Variants in SEMA5A observed in about 807,000 individuals in gnomAD.
SEMA5A encodes semaphorin 5A.
SEMA5A carries 55 observed loss-of-function variants against 135.5 expected under a neutral mutation model. The observed-to-expected ratio is 0.41, with a 90% CI of 0.33 to 0.51. The LOEUF (loss-of-function observed/expected upper bound fraction) is 0.51. Among genes scored for constraint, SEMA5A ranks in the 20% least tolerant of loss-of-function variants. The pLI is 0.37. For synonymous variants in SEMA5A, 580 were observed against 546.5 expected, an observed-to-expected ratio of 1.06 and a Z score of -0.85; for missense variants, 1,290 against 1,419.9, an observed-to-expected ratio of 0.91 and a Z score of 1.47.
chr5:9,437,976 T>C (rs1758092918), intron 1 of SEMA5A, 124 bp from the exon 2 acceptor site: 1 of 152,222 alleles, frequency 6.6e-6, no homozygotes, highest in Non-Finnish European at 1.5e-5. Context: ...TTTGGCCACG[T>C]AGGATTAAAG....
intron 3 of SEMA5A, among the ~76,000 whole-genome samples, chr5:9,340,050 G>C (rs1753574463): frequency 6.7e-6 from 1 of 148,486 alleles, no homozygotes; most frequent in South Asian, 2.1e-4. Context: ...ATCAGAGTTT[G>C]AGGTGGCTTT....
chr5:9,118,980 A>C lies in SEMA5A; in HGVS notation c.1925+18T>G. ...TAAGCGTGAGGCTGGCGGTGCTGGC[A>C]GCAGGGTGGGCACGTACCTTTCCTC... On this transcript the variant is annotated intron_variant, in intron 15 of 22. Transcript: ENST00000382496. 1 of 1,609,170 alleles carries C rather than the reference A, an allele frequency of 6.2e-7. No individual in the cohort carries two copies. The highest frequency in any genetic ancestry group is 1.7e-5 in the Admixed American group (1 of 59,402).
chr5:9,524,896 G>A (rs565259366), intron 1 of SEMA5A, among the ~76,000 whole-genome samples: 2 of 152,224 alleles, frequency 1.3e-5, no homozygotes, highest in Non-Finnish European at 2.9e-5. Context: ...TCTATTGAAT[G>A]CCCAAAATTT....
At chr5:9,372,419 G>T (rs1454226430) in intron 3 of SEMA5A, among the ~76,000 whole-genome samples, 1 of 152,114 alleles carries the variant, frequency 6.6e-6, no homozygotes, top group African/African-American at 2.4e-5. Flanking sequence ...TGGAACCATG[G>T]GATATGTGTG....
chr5:9,054,250 G>A lies in SEMA5A; in HGVS notation c.2526C>T (p.Gly842=), dbSNP rs996996362. 41 of 1,612,296 alleles carry A rather than the reference G, an allele frequency of 2.5e-5. No homozygotes were observed. Among genetic ancestry groups the A allele is most frequent in the Middle Eastern group, 1.6e-4 (1 of 6,070 alleles). ...TCCAGGGGGACCAGCAAGACCACAC[G>A]CCATCCACTGTGAAGAAACACAATG... ...ECNILPCPVD[G]VWSCWSPWTK... is the part of the protein sequence containing the mutation. Residue 842 remains glycine, a synonymous_variant, in exon 19 of 23, where the codon GGC becomes GGT. Transcript: ENST00000382496.
In SEMA5A at chr5:9,161,167, G is replaced by C. The variant is rs530046671; in HGVS notation, c.1274-6472C>G. On this transcript the variant is annotated intron_variant, in intron 11 of 22. Coordinates refer to ENST00000382496, the MANE Select transcript of SEMA5A (RefSeq NM_003966.3). ...TTAATGGGAGTTTGAATGAAATACT[G>C]TTCTTAGAGCAGAATGTGGCAGTAA... is the stretch of plus-strand genomic sequence containing the variant. Among the ~76,000 whole-genome samples, 10 of 151,948 alleles carry C rather than the reference G, an allele frequency of 6.6e-5. No individual in the cohort carries two copies. In the East Asian group the frequency reaches 1.6e-3, roughly 24 times the overall value.
At chr5:9,174,417 C>T (rs1319513230) in intron 11 of SEMA5A, among the ~76,000 whole-genome samples, 1 of 152,152 alleles carries the variant, frequency 6.6e-6, no homozygotes, top group Non-Finnish European at 1.5e-5. Flanking sequence ...TCTGCAAAGG[C>T]TTTTTTGAAA....
In SEMA5A at chr5:9,108,250, A is replaced by G; in HGVS notation, c.1963T>C (p.Phe655Leu). The G allele has an allele frequency of 6.2e-7, 1 of 1,614,202 alleles. No individual in the cohort carries two copies. The highest frequency in any genetic ancestry group is 8.5e-7 in the Non-Finnish European group (1 of 1,180,042). Residue 655 changes from phenylalanine to leucine, a missense_variant, in exon 16 of 23, where the codon TTC becomes CTC. Phe to Leu is a conservative substitution (Grantham distance 22). This residue lies in a region of SEMA5A where 1,029 missense variants were observed against 1,086.6 expected (regional missense o/e 0.95). Coordinates refer to ENST00000382496, the MANE Select transcript of SEMA5A (RefSeq NM_003966.3). ...TCCCAAGGACCCCAGCCTGTCCAGA[A>G]CATGTGTGGGGGACATAGCAAATGT... ...NEHLLCPPHMFWTGWGPWERC... is the reference protein window; with the variant it reads ...NEHLLCPPHMLWTGWGPWERC...
At position 9,264,526 on chromosome 5, in the gene SEMA5A, T is replaced by G. The variant is rs1194858079; in HGVS notation, c.271-26636A>C. On this transcript the variant is annotated intron_variant, in intron 5 of 22. Coordinates refer to ENST00000382496, the MANE Select transcript of SEMA5A (RefSeq NM_003966.3). Reference sequence around the variant, plus strand: ...CTCCGGGAATGATTTTACAAAGAAATGAAGGCAGAACTGATGTCAGCTGAA... The same window carrying G: ...CTCCGGGAATGATTTTACAAAGAAAGGAAGGCAGAACTGATGTCAGCTGAA... Among the ~76,000 whole-genome samples, 7 of 152,246 alleles carry G rather than the reference T, an allele frequency of 4.6e-5. No homozygotes were observed. In the East Asian group the frequency reaches 1.4e-3, roughly 29 times the overall value.
At chr5:9,243,757 G>A (rs748985748) in intron 5 of SEMA5A, among the ~76,000 whole-genome samples, 1 of 152,142 alleles carries the variant, frequency 6.6e-6, no homozygotes, top group Non-Finnish European at 1.5e-5. Context: ...AGGCCACAGA[G>A]TATTAAGTGG....
chr5:9,160,647 A>G (rs1220834094), intron 11 of SEMA5A, among the ~76,000 whole-genome samples: 2 of 151,792 alleles, frequency 1.3e-5, no homozygotes, highest in African/African-American at 4.8e-5. Flanking sequence ...TTCTTAATAT[A>G]TATATATTTT....
chr5:9,080,123 A>C (rs1738293106), intron 16 of SEMA5A, among the ~76,000 whole-genome samples: 1 of 152,230 alleles, frequency 6.6e-6, no homozygotes, highest in Non-Finnish European at 1.5e-5. Context: ...CACTGTTCAC[A>C]ATAGCAAAGA....
chr5:9,136,851 A>T (rs1221735807), intron 12 of SEMA5A, among the ~76,000 whole-genome samples: 1 of 152,224 alleles, frequency 6.6e-6, no homozygotes, highest in African/African-American at 2.4e-5. Context: ...TTAATCTAAC[A>T]TACATGACAG....
intron 6 of SEMA5A, among the ~76,000 whole-genome samples, chr5:9,230,317 C>T (rs1747559306): frequency 6.6e-6 from 1 of 151,924 alleles, no homozygotes; most frequent in Non-Finnish European, 1.5e-5. Flanking sequence ...GTTAACATTC[C>T]TGAAGACCAC....
At chr5:9,197,125 C>T in intron 10 of SEMA5A, 43 bp downstream of exon 10, 1 of 1,612,426 alleles carries the variant, frequency 6.2e-7, no homozygotes, top group Admixed American at 1.7e-5. Context: ...CTGCATTCTT[C>T]ATGGGGGATG....
chr5:9,311,514 G>A (rs1316295546), intron 5 of SEMA5A, among the ~76,000 whole-genome samples: 1 of 146,684 alleles, frequency 6.8e-6, no homozygotes, highest in African/African-American at 2.5e-5. Flanking sequence ...AACACCACAT[G>A]TTCTCACTCA....
intron 5 of SEMA5A, among the ~76,000 whole-genome samples, chr5:9,257,900 C>G (rs1384859369): frequency 6.6e-6 from 1 of 152,114 alleles, no homozygotes; most frequent in Non-Finnish European, 1.5e-5. Context: ...ACTGAGGCCT[C>G]AGAAGGCAGA....
At chr5:9,486,155 C>A (rs1174053235) in intron 1 of SEMA5A, among the ~76,000 whole-genome samples, 2 of 152,036 alleles carry the variant, frequency 1.3e-5, no homozygotes, top group Admixed American at 1.3e-4. Flanking sequence ...TCATCCTCAA[C>A]AAACAAACAC....
chr5:9,364,006 C>A (rs960635956), intron 3 of SEMA5A, among the ~76,000 whole-genome samples: 2 of 152,076 alleles, frequency 1.3e-5, no homozygotes, highest in African/African-American at 4.8e-5. Flanking sequence ...GCTGAAGAAA[C>A]CTGGGGTGCT....
Sources: gnomAD v4.1 joint callset for allele counts (sites outside exome capture counted in the v4.1 genomes callset) on GRCh38, gnomAD v4.1.1 for gene constraint, gnomAD v4.1.1 regional missense constraint, MANE v1.5 for transcripts, NCBI Gene and HGNC (gene_info 2026-07-23, HGNC 2026-07-21) for gene names.